The following PIP5K1B variants were observed in gnomAD, a reference collection of about 807,000 sequenced individuals.
PIP5K1B encodes the protein phosphatidylinositol 4-phosphate 5-kinase type-1 beta.
A neutral mutation model predicts 67.0 loss-of-function variants in PIP5K1B; 42 were observed. That is an observed-to-expected ratio of 0.63 (90% confidence interval 0.49 to 0.81). PIP5K1B has a LOEUF of 0.81. Ranked by LOEUF, PIP5K1B falls within the 30% of genes least tolerant of loss-of-function variation. PIP5K1B has a pLI of 0.00. For missense variants in PIP5K1B, 459 were observed against 646.3 expected, an observed-to-expected ratio of 0.71 and a Z score of 3.14; for synonymous variants, 214 against 231.4, an observed-to-expected ratio of 0.92 and a Z score of 0.68.
intron 14 of PIP5K1B, among the ~76,000 whole-genome samples, chr9:68,948,156 G>A (rs994940467): frequency 6.6e-6 from 1 of 152,248 alleles, no homozygotes; most frequent in Non-Finnish European, 1.5e-5. Flanking sequence ...TTTCCCAAGT[G>A]TCAAGAAATG....
At chr9:68,884,059 A>G (rs1824332419) in intron 6 of PIP5K1B, among the ~76,000 whole-genome samples, 1 of 152,210 alleles carries the variant, frequency 6.6e-6, no homozygotes, top group Non-Finnish European at 1.5e-5. Context: ...CTAGAAGAAC[A>G]CATAGGGGAA....
At chr9:68,780,338 C>T (rs1831184995) in intron 2 of PIP5K1B, 2 of 1,607,342 alleles carry the variant, frequency 1.2e-6, no homozygotes, top group East Asian at 4.5e-5. Context: ...CGCCGAGCGC[C>T]AGGCGGAACA....
chr9:68,821,734 C>T (rs941710950), intron 3 of PIP5K1B, among the ~76,000 whole-genome samples: 6 of 152,164 alleles, frequency 3.9e-5, no homozygotes, highest in African/African-American at 1.4e-4. Context: ...TCCAAGAAAA[C>T]ATTGAAGTTA....
At chr9:68,735,495 T>G (rs1343248582) in intron 1 of PIP5K1B, among the ~76,000 whole-genome samples, 1 of 152,060 alleles carries the variant, frequency 6.6e-6, no homozygotes, top group African/African-American at 2.4e-5. Context: ...TTCAAGCTAT[T>G]CTTGTGCCTT....
At chr9:68,811,918 T>C (rs1833188823) in intron 2 of PIP5K1B, among the ~76,000 whole-genome samples, 1 of 152,146 alleles carries the variant, frequency 6.6e-6, no homozygotes, top group Non-Finnish European at 1.5e-5. Flanking sequence ...ACTCCCTAGG[T>C]CTACCACGCA....
intron 2 of PIP5K1B, among the ~76,000 whole-genome samples, chr9:68,772,738 C>T (rs930962420): frequency 6.6e-6 from 1 of 152,078 alleles, no homozygotes; most frequent in Non-Finnish European, 1.5e-5. Context: ...ATGTATAGCT[C>T]TATAATACTA....
At chr9:68,774,057 G>T (rs766633228) in intron 2 of PIP5K1B, among the ~76,000 whole-genome samples, 2 of 152,074 alleles carry the variant, frequency 1.3e-5, no homozygotes, top group Non-Finnish European at 2.9e-5. Flanking sequence ...GAAGGCAACA[G>T]AGCCGACTTT....
At chr9:68,980,904 AT>A (rs1420614440) in intron 14 of PIP5K1B, among the ~76,000 whole-genome samples, 3 of 152,150 alleles carry the variant, frequency 2.0e-5, no homozygotes, top group African/African-American at 7.2e-5. Flanking sequence ...TTTGGGAAAC[AT>A]TTTTCTTTGC....
At chr9:68,878,013 CTGTGTGTGTGTGTGTGTG>C (rs35871698) in intron 6 of PIP5K1B, among the ~76,000 whole-genome samples, 1 of 142,094 alleles carries the variant, frequency 7.0e-6, no homozygotes, top group Admixed American at 7.1e-5. Context: ...CGCATTTGTT[CTGTGTGTGTGTGTGTGTG>C]TGTGTGTGTG....
chr9:68,894,401 A>T lies in PIP5K1B; in HGVS notation c.534A>T (p.Ser178=), dbSNP rs140619979. The change falls in exon 8 of 16, where the codon TCA becomes TCT. Residue 178 remains serine, a synonymous_variant. Transcript: ENST00000265382. ...PKFYGLYCMQ[S]GGINIRIVVM... ...TTTACGGACTGTATTGTATGCAATC[A>T]GGAGGCATTAATATCAGGATTGTGG... 3.8e-3 allele frequency: 6,059 copies of T among 1,613,926 alleles called. 16 individuals carry two copies. The highest frequency in any genetic ancestry group is 5.3e-3 in the Middle Eastern group (32 of 6,062).
chr9:68,945,662 A>T (rs1259089252), intron 14 of PIP5K1B, among the ~76,000 whole-genome samples: 1 of 152,240 alleles, frequency 6.6e-6, no homozygotes, highest in East Asian at 1.9e-4. Context: ...TAATTCTCAC[A>T]GCAATTCTGT....
chr9:68,865,938 A>G (rs1436252596), intron 5 of PIP5K1B, among the ~76,000 whole-genome samples: 2 of 152,228 alleles, frequency 1.3e-5, no homozygotes, highest in African/African-American at 4.8e-5. Context: ...GAGTTATTAC[A>G]CGACTCTTAC....
intron 2 of PIP5K1B, among the ~76,000 whole-genome samples, chr9:68,792,217 T>C (rs1177613820): frequency 6.6e-6 from 1 of 152,194 alleles, no homozygotes; most frequent in Non-Finnish European, 1.5e-5. Flanking sequence ...ACTAAGCCTT[T>C]TATTTATGTC....
chr9:68,763,604 A>T (rs1830287265), intron 2 of PIP5K1B, among the ~76,000 whole-genome samples: 1 of 151,108 alleles, frequency 6.6e-6, no homozygotes, highest in East Asian at 1.9e-4. Context: ...GAAGGATGTT[A>T]AAAAAAAATA....
chr9:68,928,473 A>G (rs978554136), intron 12 of PIP5K1B, among the ~76,000 whole-genome samples: 2 of 152,202 alleles, frequency 1.3e-5, no homozygotes, highest in Non-Finnish European at 2.9e-5. Context: ...GAATAATCAG[A>G]TAAATGTTCA....
chr9:68,790,812 T>A (rs1004501655), intron 2 of PIP5K1B, among the ~76,000 whole-genome samples: 1 of 152,224 alleles, frequency 6.6e-6, no homozygotes, highest in African/African-American at 2.4e-5. Flanking sequence ...GTGCTTTGAT[T>A]TTGCATCAGC....
At chr9:68,817,357 C>T (rs1454951395) in intron 2 of PIP5K1B, among the ~76,000 whole-genome samples, 3 of 152,148 alleles carry the variant, frequency 2.0e-5, no homozygotes, top group African/African-American at 7.2e-5. Context: ...TTATGTTTGG[C>T]CCCACAGTTA....
chr9:68,969,505 A>G (rs1408415883), intron 14 of PIP5K1B, among the ~76,000 whole-genome samples: 1 of 152,164 alleles, frequency 6.6e-6, no homozygotes, highest in African/African-American at 2.4e-5. Flanking sequence ...ATGCTTGGAA[A>G]TGTAGAATTT....
chr9:68,892,399 G>C (rs760427423), intron 7 of PIP5K1B, among the ~76,000 whole-genome samples: 1 of 152,204 alleles, frequency 6.6e-6, no homozygotes, highest in Non-Finnish European at 1.5e-5. Context: ...CTAATGTTAA[G>C]GATGTAGGAT....
Sources: gnomAD v4.1 joint callset for allele counts (sites outside exome capture counted in the v4.1 genomes callset) on GRCh38, gnomAD v4.1.1 for gene constraint, MANE v1.5 for transcripts, NCBI Gene and HGNC (gene_info 2026-07-23, HGNC 2026-07-21) for gene names.